KCNQ1: variants seen among roughly 807,000 people sequenced by gnomAD.
KCNQ1 encodes potassium voltage-gated channel subfamily Q member 1.
Under a neutral mutation model 72.4 loss-of-function variants are expected in KCNQ1, and 49 were observed. The observed-to-expected ratio is 0.68, with a 90% CI of 0.54 to 0.86. KCNQ1 has a LOEUF of 0.86. KCNQ1 is among the 40% of genes least tolerant of loss of function. The probability of loss-of-function intolerance (pLI) is 0.00; values close to 1 mark genes in which losing one functional copy is unlikely to be tolerated. For synonymous variants in KCNQ1, 450 were observed against 412.6 expected (o/e 1.09, Z -1.10); for missense variants, 790 against 945.1 (o/e 0.84, Z 2.15).
rs1850036412 is a variant in KCNQ1 at position 2,664,901 on chromosome 11, C to T, written c.1514+2820C>T. ...ACATAAATAAAGACACATTTTGTTT[C>T]CATCTCGAGCTCTCCCCGCCCGCAG... On this transcript the variant is annotated intron_variant, in intron 11 of 15. Coordinates refer to ENST00000155840, the MANE Select transcript of KCNQ1 (RefSeq NM_000218.3). The surrounding 1 kb of genome is among the most constrained non-coding windows in gnomAD (Gnocchi z 5.1). 5.0e-6 allele frequency: 2 copies of T among 398,556 alleles called. No individual in the cohort carries two copies. Among genetic ancestry groups the T allele is most frequent in the East Asian group, 3.6e-5 (1 of 28,098 alleles). The allele number at this position is 398,556 out of a possible 1,614,324, so 24.7% of individuals were successfully genotyped here.
intron 10 of KCNQ1, chr11:2,614,082 G>A (rs933717471): frequency 5.0e-6 from 2 of 398,378 alleles, no homozygotes; most frequent in Non-Finnish European, 8.8e-6. Flanking sequence ...GCATGTGTAG[G>A]TGGTTTCTAG....
At chr11:2,667,904 T>C (rs1406426083) in intron 11 of KCNQ1, 12 of 398,502 alleles carry the variant, frequency 3.0e-5, no homozygotes, top group Non-Finnish European at 5.3e-5. Context: ...TGAGGCATCT[T>C]CAGTCCCTGG....
At chr11:2,812,195 C>CA (rs1415095121) in intron 15 of KCNQ1, among the ~76,000 whole-genome samples, 1 of 152,206 alleles carries the variant, frequency 6.6e-6, no homozygotes, top group Non-Finnish European at 1.5e-5. Flanking sequence ...GGAACAGAAA[C>CA]ACCCCTGAAA....
rs574761785 is a variant in KCNQ1, at chr11:2,842,808, G to A, written c.1795-4959G>A. ...GCCATCGGGTGGCTCGCAGTGCACT[G>A]AGCACCATGCTCTGTCCCTGGTGTC... is the stretch of plus-strand genomic sequence containing the variant. On this transcript the variant is annotated intron_variant, in intron 15 of 15. Transcript: ENST00000155840. Among the ~76,000 whole-genome samples the A allele has an allele frequency of 6.6e-5, 10 of 152,332 alleles. No homozygotes were observed. In the South Asian group the frequency reaches 1.7e-3, roughly 25 times the overall value.
At chr11:2,614,843 TC>T (rs1849035901) in intron 10 of KCNQ1, 1 of 398,404 alleles carries the variant, frequency 2.5e-6, no homozygotes, top group African/African-American at 2.1e-5. Flanking sequence ...CCAACTTTGT[TC>T]TTTTTCAATA....
rs566672353 is a variant in KCNQ1, at chr11:2,640,294, G to A, written c.1394-21667G>A. 59 of 398,140 alleles carry A rather than the reference G, an allele frequency of 1.5e-4. No individual in the cohort carries two copies. The highest frequency in any genetic ancestry group is 2.0e-4 in the Non-Finnish European group (46 of 226,412). 24.7% of individuals were successfully genotyped at this position (398,140 alleles called of 1,614,324 possible). A position where few individuals can be genotyped will look rare whatever the true frequency, so the allele number is the denominator to read the frequency against. ...AATGCAGAAATCACCCATCTTCTGCGTCACTCACGCTGGGAGCTATAGACT... is the reference window on the plus strand; with the variant it reads ...AATGCAGAAATCACCCATCTTCTGCATCACTCACGCTGGGAGCTATAGACT... On this transcript the variant is annotated intron_variant, in intron 10 of 15. Transcript: ENST00000155840.
chr11:2,550,783 C>T lies in KCNQ1; in HGVS notation c.478-19845C>T, dbSNP rs886824899. 3.3e-5 allele frequency among the ~76,000 whole-genome samples: 5 copies of T among 152,072 alleles called. No homozygotes were observed. The highest frequency in any genetic ancestry group is 1.9e-4 in the East Asian group (1 of 5,180). Reference sequence around the variant, plus strand: ...CAGAGCGCAAATAGGGCTGGAGTCCCGAGTACAAGGCATGGACAGGAGCCA... The same window carrying T: ...CAGAGCGCAAATAGGGCTGGAGTCCTGAGTACAAGGCATGGACAGGAGCCA... On this transcript the variant is annotated intron_variant, in intron 2 of 15. Coordinates refer to ENST00000155840, the MANE Select transcript of KCNQ1 (RefSeq NM_000218.3). This position sits in a 1 kb window ranked among gnomAD's most constrained non-coding sequence, Gnocchi z 6.0.
intron 15 of KCNQ1, among the ~76,000 whole-genome samples, chr11:2,804,968 C>T (rs145476395): frequency 3.3e-5 from 5 of 152,200 alleles, no homozygotes; most frequent in African/African-American, 1.2e-4. Context: ...CAGTCAGATA[C>T]AATGCTGACA....
rs1849914149 is a variant in KCNQ1 at position 2,659,586 on chromosome 11, G to A, written c.1394-2375G>A. The A allele has an allele frequency of 1.5e-5, 6 of 398,284 alleles. No homozygotes were observed. Among genetic ancestry groups the A allele is most frequent in the South Asian group, 2.5e-4 (2 of 7,844 alleles). The allele number at this position is 398,284 out of a possible 1,614,324, so 24.7% of individuals were successfully genotyped here. ...TACACATTTATGTACAGGTTTTTGC[G>A]AACATAAAAATTCAATTCACTTGGG... On this transcript the variant is annotated intron_variant, in intron 10 of 15. Transcript: ENST00000155840. The surrounding 1 kb of genome is among the most constrained non-coding windows in gnomAD (Gnocchi z 4.3).
At chr11:2,575,304 G>A (rs929631866) in intron 6 of KCNQ1, among the ~76,000 whole-genome samples, 6 of 152,126 alleles carry the variant, frequency 3.9e-5, no homozygotes, top group African/African-American at 9.7e-5. Flanking sequence ...CCCGAGCCTC[G>A]GCCATCGCGC....
chr11:2,532,604 G>A (rs1262588011), intron 2 of KCNQ1, among the ~76,000 whole-genome samples: 1 of 152,176 alleles, frequency 6.6e-6, no homozygotes, highest in African/African-American at 2.4e-5. Flanking sequence ...GGCTCTGGGT[G>A]GGGAGACAGT....
rs932699787 is a variant in KCNQ1, at chr11:2,848,017, CTGGGGGA to C, written c.*19_*25del. On this transcript the variant is annotated 3_prime_UTR_variant, in exon 16 of 16. Coordinates refer to ENST00000155840, the MANE Select transcript of KCNQ1 (RefSeq NM_000218.3). Reference sequence around the variant, plus strand: ...GAGGGGTCCTGAGGAGGGGATGGGGCTGGGGGATGGGCCTGAGTGAGAGGGGAGGCCA... The same window carrying C: ...GAGGGGTCCTGAGGAGGGGATGGGGCTGGGCCTGAGTGAGAGGGGAGGCCA... 1.3e-6 allele frequency: 2 copies of C among 1,533,078 alleles called. No individual in the cohort carries two copies. Among genetic ancestry groups the C allele is most frequent in the Non-Finnish European group, 1.8e-6 (2 of 1,137,488 alleles). The allele number at this position is 1,533,078 out of a possible 1,614,324, so 95.0% of individuals were successfully genotyped here.
At chr11:2,597,067 C>A (rs941235347) in intron 10 of KCNQ1, among the ~76,000 whole-genome samples, 1 of 151,976 alleles carries the variant, frequency 6.6e-6, no homozygotes, top group South Asian at 2.1e-4. Context: ...AAAGGAAATA[C>A]CAATAATTCT....
rs1260494214 is a variant in KCNQ1 at position 2,677,246 on chromosome 11, G to A, written c.1514+15165G>A. 6 of 398,416 alleles carry A rather than the reference G, an allele frequency of 1.5e-5. No homozygotes were observed. The highest frequency in any genetic ancestry group is 1.3e-4 in the Admixed American group (3 of 22,696). The allele number at this position is 398,416 out of a possible 1,614,324, so 24.7% of individuals were successfully genotyped here. On this transcript the variant is annotated intron_variant, in intron 11 of 15. Coordinates refer to ENST00000155840, the MANE Select transcript of KCNQ1 (RefSeq NM_000218.3). The surrounding 1 kb of genome is among the most constrained non-coding windows in gnomAD (Gnocchi z 4.5). ...AAAGACAATATAAAGCACACACAAA[G>A]TAAAGAGGAACTTATAAAGAGGAAC...
rs1339048720 is a variant in KCNQ1 at position 2,725,718 on chromosome 11, C to T, written c.1515-43126C>T. ...AGCCGAGGGCAGCCTGGGGAAGGTA[C>T]GAGAGATCACTGGGCTTTGTGAAAC... On this transcript the variant is annotated intron_variant, in intron 11 of 15. Coordinates refer to ENST00000155840, the MANE Select transcript of KCNQ1 (RefSeq NM_000218.3). The surrounding 1 kb of genome is among the most constrained non-coding windows in gnomAD (Gnocchi z 7.2). 2.0e-5 allele frequency among the ~76,000 whole-genome samples: 3 copies of T among 152,140 alleles called. No homozygotes were observed. The highest frequency in any genetic ancestry group is 2.1e-4 in the South Asian group (1 of 4,824).
intron 1 of KCNQ1, among the ~76,000 whole-genome samples, chr11:2,487,580 T>C (rs1286502308): frequency 6.6e-6 from 1 of 152,190 alleles, no homozygotes; most frequent in African/African-American, 2.4e-5. Context: ...GCAGAAGTCT[T>C]TTACCTCCTT....
chr11:2,521,248 C>T (rs1847377043), intron 1 of KCNQ1, among the ~76,000 whole-genome samples: 1 of 152,122 alleles, frequency 6.6e-6, no homozygotes, highest in Non-Finnish European at 1.5e-5. Context: ...ATCCTGCTCT[C>T]CGCAACCGTG....
intron 15 of KCNQ1, among the ~76,000 whole-genome samples, chr11:2,822,729 G>T (rs1177858726): frequency 6.6e-6 from 1 of 152,138 alleles, no homozygotes; most frequent in Non-Finnish European, 1.5e-5. Context: ...AGGGAGGGAA[G>T]GTGGAGTCCT....
intron 10 of KCNQ1, chr11:2,636,622 T>A (rs1313565940): frequency 1.3e-5 from 2 of 152,124 alleles, no homozygotes; most frequent in South Asian, 4.1e-4. Flanking sequence ...TCAATGTTCA[T>A]CAGGGATATT....
Sources: allele counts gnomAD v4.1 joint callset (sites outside exome capture counted in the v4.1 genomes callset), GRCh38; gene constraint gnomAD v4.1.1; non-coding constraint Gnocchi (gnomAD v3.1); transcripts MANE v1.5; gene names NCBI Gene and HGNC (gene_info 2026-07-23, HGNC 2026-07-21).